Variants in PDE10A observed in about 807,000 individuals in gnomAD.
PDE10A encodes the protein phosphodiesterase 10A, also known as cAMP and cAMP-inhibited cGMP 3',5'-cyclic phosphodiesterase 10A.
In PDE10A, 39 loss-of-function variants were observed where a neutral mutation model predicts 97.7. The observed-to-expected ratio is 0.40, with a 90% confidence interval of 0.31 to 0.52. PDE10A has a LOEUF of 0.52. Ranked by LOEUF, PDE10A falls within the 20% of genes least tolerant of loss-of-function variation. The pLI is 0.56. For synonymous variants in PDE10A, 371 were observed against 376.8 expected, an observed-to-expected ratio of 0.98 and a Z score of 0.18; for missense variants, 731 against 1,047.8, an observed-to-expected ratio of 0.70 and a Z score of 4.17.
chr6:165,633,321 T>G (rs3008040), intron 1 of PDE10A, among the ~76,000 whole-genome samples: 34,905 of 152,124 alleles, frequency 0.23, 4,241 homozygotes, highest in Middle Eastern at 0.4. Context: ...GGCACACCCA[T>G]TCAGTTCATG....
chr6:165,692,127 C>G (rs906519526), intron 1 of PDE10A, among the ~76,000 whole-genome samples: 1 of 152,120 alleles, frequency 6.6e-6, no homozygotes, highest in African/African-American at 2.4e-5. Flanking sequence ...GTTCCTGGGC[C>G]GGTGAGTGCA....
chr6:165,721,874 A>C (rs1792175461), intron 1 of PDE10A, among the ~76,000 whole-genome samples: 1 of 152,216 alleles, frequency 6.6e-6, no homozygotes, highest in South Asian at 2.1e-4. Context: ...AAGACGGATA[A>C]GGTTCCTAAA....
chr6:165,335,557 A>C (rs1250532348), intron 21 of PDE10A, among the ~76,000 whole-genome samples: 1 of 152,098 alleles, frequency 6.6e-6, no homozygotes, highest in Non-Finnish European at 1.5e-5. Flanking sequence ...CTCTTGCAGG[A>C]CTGACTCCAT....
intron 1 of PDE10A, among the ~76,000 whole-genome samples, chr6:165,776,508 T>G (rs1778188458): frequency 6.6e-6 from 1 of 152,250 alleles, no homozygotes. Context: ...AGCTGGGAGC[T>G]GTTTTTGATA....
At chr6:165,393,956 A>G (rs1354144201) in intron 15 of PDE10A, among the ~76,000 whole-genome samples, 1 of 152,220 alleles carries the variant, frequency 6.6e-6, no homozygotes, top group Non-Finnish European at 1.5e-5. Context: ...CTGACAAAGT[A>G]TCACACTTTG....
chr6:165,981,919 C>T (rs996813239), intron 1 of PDE10A, among the ~76,000 whole-genome samples: 1 of 152,134 alleles, frequency 6.6e-6, no homozygotes, highest in African/African-American at 2.4e-5. Flanking sequence ...AAGATCAATC[C>T]AGCTGATGGT....
intron 3 of PDE10A, among the ~76,000 whole-genome samples, chr6:165,478,346 G>A (rs1321465522): frequency 6.6e-6 from 1 of 152,118 alleles, no homozygotes; most frequent in Non-Finnish European, 1.5e-5. Context: ...CTGAAAGACT[G>A]TCCTCTTAGC....
At chr6:165,816,305 G>T (rs915113750) in intron 1 of PDE10A, among the ~76,000 whole-genome samples, 1 of 152,206 alleles carries the variant, frequency 6.6e-6, no homozygotes, top group Non-Finnish European at 1.5e-5. Flanking sequence ...TCCTGATAAA[G>T]AAACTTGAAT....
chr6:165,800,976 C>G (rs117264521), intron 1 of PDE10A, among the ~76,000 whole-genome samples: 4,643 of 152,274 alleles, frequency 0.03, 98 homozygotes, highest in Middle Eastern at 0.092. Context: ...TGGCCTGGAG[C>G]TAGAGGTCCC....
chr6:165,443,478 T>C (rs1460493689), intron 5 of PDE10A, among the ~76,000 whole-genome samples: 3 of 152,070 alleles, frequency 2.0e-5, no homozygotes, highest in African/African-American at 7.2e-5. Flanking sequence ...CATGGGCTGG[T>C]GTTCAATGCC....
chr6:165,867,533 A>G (rs186851696), intron 1 of PDE10A, among the ~76,000 whole-genome samples: 38 of 152,250 alleles, frequency 2.5e-4, no homozygotes, highest in African/African-American at 8.9e-4. Flanking sequence ...ATATGAAGCC[A>G]TTATTATTAG....
At chr6:165,365,354 T>C (rs1447803153) in intron 18 of PDE10A, among the ~76,000 whole-genome samples, 1 of 151,984 alleles carries the variant, frequency 6.6e-6, no homozygotes, top group African/African-American at 2.4e-5. Context: ...ACAAAACAAA[T>C]CCCCAAACCA....
At chr6:165,744,775 C>T (rs1021999331) in intron 1 of PDE10A, among the ~76,000 whole-genome samples, 8 of 151,632 alleles carry the variant, frequency 5.3e-5, no homozygotes, top group Admixed American at 6.6e-5. Flanking sequence ...TCCTTTAAAA[C>T]ATTTTATTTT....
intron 2 of PDE10A, among the ~76,000 whole-genome samples, chr6:165,486,360 T>C (rs867696227): frequency 3.3e-5 from 5 of 152,340 alleles, no homozygotes; most frequent in African/African-American, 1.2e-4. Flanking sequence ...CTGCCACGAC[T>C]GGATGGCTTT....
At chr6:165,734,912 G>C (rs1455763522) in intron 1 of PDE10A, among the ~76,000 whole-genome samples, 1 of 152,140 alleles carries the variant, frequency 6.6e-6, no homozygotes, top group African/African-American at 2.4e-5. Context: ...TTCGGATTCT[G>C]TATTAGGATT....
chr6:165,835,942 C>G (rs1046161753), intron 1 of PDE10A, among the ~76,000 whole-genome samples: 2 of 152,198 alleles, frequency 1.3e-5, no homozygotes, highest in African/African-American at 4.8e-5. Context: ...CACGCTGTCT[C>G]CCCTCTTTGG....
chr6:165,589,767 G>A (rs1473053360), intron 1 of PDE10A, among the ~76,000 whole-genome samples: 1 of 152,020 alleles, frequency 6.6e-6, no homozygotes, highest in Non-Finnish European at 1.5e-5. Flanking sequence ...TATATTCCAG[G>A]CTAAATAACT....
At chr6:165,826,596 GC>G (rs1779760824) in intron 1 of PDE10A, among the ~76,000 whole-genome samples, 2 of 151,840 alleles carry the variant, frequency 1.3e-5, no homozygotes, top group African/African-American at 4.9e-5. Context: ...TGTACCCACA[GC>G]CCAGTCCTTG....
chr6:165,933,545 T>C (rs1783213637), intron 1 of PDE10A, among the ~76,000 whole-genome samples: 1 of 152,224 alleles, frequency 6.6e-6, no homozygotes, highest in Non-Finnish European at 1.5e-5. Flanking sequence ...TCTCATTTTT[T>C]ACATAAATTT....
Sources: gnomAD v4.1 joint callset for allele counts (sites outside exome capture counted in the v4.1 genomes callset) on GRCh38, gnomAD v4.1.1 for gene constraint, MANE v1.5 for transcripts, NCBI Gene and HGNC (gene_info 2026-07-23, HGNC 2026-07-21) for gene names.